The following FIRRM variants were observed in gnomAD, a reference collection of about 807,000 sequenced individuals.
FIRRM encodes FIGNL1-interacting regulator of recombination and mitosis.
At chr1:169,833,489 C>G in the FIRRM span, among the ~76,000 whole-genome samples, 6 of 152,234 alleles carry the variant, frequency 3.9e-5, no homozygotes, top group South Asian at 1.2e-3. Flanking sequence ...TTTTCCTTGT[C>G]TGCAAAGCAG....
At chr1:169,837,130 ATTTAT>A in the FIRRM span, 3 of 1,560,732 alleles carry the variant, frequency 1.9e-6, no homozygotes, top group African/African-American at 1.4e-5. Flanking sequence ...AATAATTTTG[ATTTAT>A]TTTATTCATT....
the FIRRM span, among the ~76,000 whole-genome samples, chr1:169,848,192 G>A: frequency 3.9e-5 from 6 of 152,184 alleles, no homozygotes; most frequent in East Asian, 3.9e-4. Context: ...TTTTAAAGAC[G>A]ATATTTTTGA....
chr1:169,805,587 C>T, the FIRRM span, among the ~76,000 whole-genome samples: 4 of 152,146 alleles, frequency 2.6e-5, no homozygotes, highest in Non-Finnish European at 4.4e-5. Flanking sequence ...TATAAATAAT[C>T]TACCACAGAC....
At chr1:169,829,902 A>C in the FIRRM span, among the ~76,000 whole-genome samples, 3 of 152,180 alleles carry the variant, frequency 2.0e-5, no homozygotes, top group Non-Finnish European at 4.4e-5. Flanking sequence ...AGCACCTATT[A>C]AATGTTGTAT....
the FIRRM span, among the ~76,000 whole-genome samples, chr1:169,784,200 C>A: frequency 1.3e-5 from 2 of 152,132 alleles, no homozygotes; most frequent in Non-Finnish European, 2.9e-5. Flanking sequence ...CAGTGTTGTT[C>A]CACAGTCCCA....
the FIRRM span, among the ~76,000 whole-genome samples, chr1:169,811,998 A>G: frequency 6.6e-6 from 1 of 152,220 alleles, no homozygotes; most frequent in Admixed American, 6.5e-5. Flanking sequence ...TTCCTTGCTT[A>G]TATTACCCAC....
chr1:169,804,656 G>T, the FIRRM span, among the ~76,000 whole-genome samples: 1 of 152,026 alleles, frequency 6.6e-6, no homozygotes, highest in African/African-American at 2.4e-5. Context: ...CATTTTACAT[G>T]TGATGCACTT....
chr1:169,795,779 TTTC>T, the FIRRM span: 6 of 985,088 alleles, frequency 6.1e-6, no homozygotes, highest in Non-Finnish European at 7.2e-6. Flanking sequence ...CAGACCTCTT[TTTC>T]TTCTTTCTTT....
At chr1:169,813,470 G>T in the FIRRM span, among the ~76,000 whole-genome samples, 1 of 152,144 alleles carries the variant, frequency 6.6e-6, no homozygotes, top group African/African-American at 2.4e-5. Context: ...AACATGGAAG[G>T]TTAAATCCTA....
chr1:169,813,197 A>G, the FIRRM span, among the ~76,000 whole-genome samples: 1 of 152,236 alleles, frequency 6.6e-6, no homozygotes. Flanking sequence ...ACCAATATTT[A>G]TTGAGCTAAG....
At chr1:169,802,771 A>G in the FIRRM span, 10 of 1,198,408 alleles carry the variant, frequency 8.3e-6, no homozygotes, top group Admixed American at 7.5e-5. Context: ...GAGCTTAAAG[A>G]ATGTCAAAAT....
At chr1:169,807,242 A>G in the FIRRM span, among the ~76,000 whole-genome samples, 1 of 152,108 alleles carries the variant, frequency 6.6e-6, no homozygotes, top group East Asian at 1.9e-4. Flanking sequence ...TCTCTCTCCT[A>G]TTTTGTGTAC....
chr1:169,850,489 T>C, the FIRRM span: 60 of 593,356 alleles, frequency 1.0e-4, no homozygotes, highest in Admixed American at 3.0e-5. Context: ...TACTAAGCAA[T>C]TGAGGCCACA....
the FIRRM span, chr1:169,793,559 C>A: frequency 6.2e-7 from 1 of 1,614,186 alleles, no homozygotes; most frequent in Admixed American, 1.7e-5. Flanking sequence ...AGAACATTTT[C>A]TGTCCCTCTC....
the FIRRM span, among the ~76,000 whole-genome samples, chr1:169,814,656 A>C: frequency 6.6e-6 from 1 of 152,260 alleles, no homozygotes; most frequent in South Asian, 2.1e-4. Context: ...TCCTTGATAC[A>C]TATTGTAAAT....
the FIRRM span, among the ~76,000 whole-genome samples, chr1:169,833,366 T>A: frequency 6.6e-6 from 1 of 152,178 alleles, no homozygotes; most frequent in Admixed American, 6.5e-5. Flanking sequence ...GACTTGGATC[T>A]AAGCTTGGGA....
chr1:169,796,354 A>G, the FIRRM span, among the ~76,000 whole-genome samples: 2 of 152,242 alleles, frequency 1.3e-5, no homozygotes, highest in Non-Finnish European at 2.9e-5. Context: ...CTTCTTCCCC[A>G]CAAGCTTATA....
chr1:169,849,479 A>T, the FIRRM span: 3 of 1,561,396 alleles, frequency 1.9e-6, no homozygotes, highest in Non-Finnish European at 2.6e-6. Context: ...TCTCTATTAT[A>T]ATAAGGCTTG....
At chr1:169,848,724 T>C in the FIRRM span, among the ~76,000 whole-genome samples, 1 of 152,210 alleles carries the variant, frequency 6.6e-6, no homozygotes, top group Non-Finnish European at 1.5e-5. Flanking sequence ...ATGAAATAAA[T>C]CTATTCCAAA....
Sources: allele counts gnomAD v4.1 joint callset (sites outside exome capture counted in the v4.1 genomes callset), GRCh38; gene constraint gnomAD v4.1.1; transcripts MANE v1.5; gene names NCBI Gene and HGNC (gene_info 2026-07-23, HGNC 2026-07-21).